ZMYM4: variants seen among roughly 807,000 people sequenced by gnomAD.
ZMYM4 encodes zinc finger MYM-type containing 4, also known as zinc finger MYM-type protein 4.
Under a neutral mutation model 183.2 loss-of-function variants are expected in ZMYM4, and 31 were observed. That is an observed-to-expected ratio of 0.17 (90% CI 0.13 to 0.23). ZMYM4 has a LOEUF of 0.23. Ranked by LOEUF, ZMYM4 falls within the 10% of genes least tolerant of loss-of-function variation. ZMYM4 has a pLI of 1.00. For missense variants in ZMYM4, 1,273 were observed against 1,840.3 expected (o/e 0.69, Z 5.64); for synonymous variants, 592 against 631.2 (o/e 0.94, Z 0.93).
chr1:35,413,412 A>G (rs1387369843), intron 26 of ZMYM4, among the ~76,000 whole-genome samples: 1 of 152,212 alleles, frequency 6.6e-6, no homozygotes, highest in South Asian at 2.1e-4. Context: ...ACATAGTTCA[A>G]TGTCCTATAA....
intron 1 of ZMYM4, chr1:35,296,090 G>A (rs1354863564): frequency 6.6e-6 from 1 of 152,174 alleles, no homozygotes; most frequent in African/African-American, 2.4e-5. Context: ...GCCCATCTCA[G>A]TGTGGCATTT....
intron 28 of ZMYM4, among the ~76,000 whole-genome samples, chr1:35,418,041 T>C (rs1449172413): frequency 6.6e-6 from 1 of 152,138 alleles, no homozygotes; most frequent in Non-Finnish European, 1.5e-5. Context: ...ACTTCTGTCT[T>C]GATCTCTACT....
intron 9 of ZMYM4, among the ~76,000 whole-genome samples, chr1:35,382,781 A>G (rs1343625072): frequency 6.6e-6 from 1 of 152,024 alleles, no homozygotes; most frequent in Non-Finnish European, 1.5e-5. Flanking sequence ...AGTGATTTGT[A>G]TTCTTTAACA....
At chr1:35,303,301 AAAG>A (rs1353883436) in intron 1 of ZMYM4, among the ~76,000 whole-genome samples, 2 of 56,334 alleles carry the variant, frequency 3.6e-5, no homozygotes, top group Non-Finnish European at 1.5e-4. Context: ...AAAAAAAAAA[AAAG>A]AAAAGAAAAA....
chr1:35,407,395 C>T lies in ZMYM4; in HGVS notation c.3797-613C>T, dbSNP rs568998455. Among the ~76,000 whole-genome samples the T allele has an allele frequency of 8.0e-5, 12 of 150,634 alleles. 2 individuals are homozygous for T. Among genetic ancestry groups the T allele is most frequent in the African/African-American group, 2.4e-4 (10 of 41,010 alleles). On this transcript the variant is annotated intron_variant, in intron 25 of 29. Coordinates refer to ENST00000314607, the MANE Select transcript of ZMYM4 (RefSeq NM_005095.3). ...GTGAGCCGAGATTGTGCCATTGCAC[C>T]CCAGCCTGGGCAATAAAAGCGAAAT...
At chr1:35,372,388 G>A (rs1217130261) in intron 7 of ZMYM4, among the ~76,000 whole-genome samples, 1 of 152,164 alleles carries the variant, frequency 6.6e-6, no homozygotes, top group Non-Finnish European at 1.5e-5. Context: ...AGTTGGGAAA[G>A]GTGTCAGGGA....
intron 2 of ZMYM4, among the ~76,000 whole-genome samples, chr1:35,352,400 A>G (rs920470553): frequency 2.0e-5 from 3 of 151,900 alleles, no homozygotes; most frequent in East Asian, 3.9e-4. Flanking sequence ...ACACACACAC[A>G]CACACACACA....
intron 9 of ZMYM4, among the ~76,000 whole-genome samples, chr1:35,383,157 A>G (rs78892577): frequency 0.065 from 9,897 of 152,188 alleles, 934 homozygotes; most frequent in East Asian, 0.44. Context: ...TGTGTATTAG[A>G]TTTGTATTTT....
At chr1:35,392,737 A>G (rs1207398432) in intron 17 of ZMYM4, 53 bp downstream of exon 17, 5 of 1,425,386 alleles carry the variant, frequency 3.5e-6, no homozygotes, top group Non-Finnish European at 4.8e-6. Flanking sequence ...TTTCATTTTC[A>G]TACAGTATAA....
intron 2 of ZMYM4, among the ~76,000 whole-genome samples, chr1:35,326,742 A>G (rs1487048490): frequency 1.3e-5 from 2 of 152,204 alleles, no homozygotes; most frequent in East Asian, 3.9e-4. Context: ...ACGCTAATTA[A>G]CCTAATGTGC....
At chr1:35,386,818 A>T (rs1214778387) in intron 11 of ZMYM4, among the ~76,000 whole-genome samples, 185 bp from the exon 12 acceptor site, 1 of 152,252 alleles carries the variant, frequency 6.6e-6, no homozygotes, top group African/African-American at 2.4e-5. Context: ...TAGTTAAGTT[A>T]TTTTATTTTT....
chr1:35,279,046 T>C (rs1026212137), intron 1 of ZMYM4, among the ~76,000 whole-genome samples: 12 of 152,180 alleles, frequency 7.9e-5, no homozygotes, highest in Admixed American at 6.5e-4. Context: ...AGAATAATCC[T>C]CTGTGGCTTG....
Position 35,414,032 on chromosome 1 carries a change from A to G in ZMYM4, c.4009A>G (p.Ile1337Val). 1 of 1,595,654 alleles carries G rather than the reference A, an allele frequency of 6.3e-7. No homozygotes were observed. Among genetic ancestry groups the G allele is most frequent in the South Asian group, 1.2e-5 (1 of 85,860 alleles). The change falls in exon 27 of 30, where the codon ATT becomes GTT. Residue 1337 changes from isoleucine (I) to valine (V), a missense_variant. Transcript: ENST00000314607. ...TACTGAGCCCTATTCCAGATTTATG[A>G]TTGAACTTACCAAACTCTTGAAAAT... is the stretch of plus-strand genomic sequence containing the variant. Reference protein sequence around the residue: ...IFTEPYSRFMIELTKLLKIWE... With the variant: ...IFTEPYSRFMVELTKLLKIWE...
chr1:35,340,823 C>A (rs1224190852), intron 2 of ZMYM4, among the ~76,000 whole-genome samples: 2 of 152,194 alleles, frequency 1.3e-5, no homozygotes, highest in African/African-American at 2.4e-5. Flanking sequence ...TGGTACTGGT[C>A]TGTGGCCTGG....
At chr1:35,415,822 C>G in intron 28 of ZMYM4, 108 bp downstream of exon 28, 1 of 1,377,482 alleles carries the variant, frequency 7.3e-7, no homozygotes, top group Non-Finnish European at 9.7e-7. Context: ...AAAGAGTGTA[C>G]CTTTAACATT....
intron 5 of ZMYM4, among the ~76,000 whole-genome samples, chr1:35,367,369 C>T (rs918671881): frequency 4.6e-5 from 7 of 151,898 alleles, no homozygotes; most frequent in Admixed American, 2.0e-4. Context: ...GCTGGGATTA[C>T]AGGCGTGCAC....
At chr1:35,274,922 TAGAACTTTTGTTTATCC>T (rs1419491430) in intron 1 of ZMYM4, among the ~76,000 whole-genome samples, 2 of 152,294 alleles carry the variant, frequency 1.3e-5, no homozygotes, top group Non-Finnish European at 2.9e-5. Flanking sequence ...TCATATAGGT[TAGAACTTTTGTTTATCC>T]AGAAATATTA....
Position 35,389,955 on chromosome 1 carries a change from A to G in ZMYM4, c.2444A>G (p.Lys815Arg), listed in dbSNP as rs1013785941. Residue 815 changes from lysine (K) to arginine (R), a missense_variant, in exon 15 of 30, where the codon AAA becomes AGA. By Grantham distance (26) the Lys-to-Arg change is conservative. Transcript: ENST00000314607. This position sits in a 1 kb window ranked among gnomAD's most constrained non-coding sequence, Gnocchi z 4.0. ...KYTVLFYQMA[K>R]CDACKRQGKL... ...CTACCTTCTTCTTTTTAGATGGCCAAATGTGATGCTTGTAAGCGACAGGGT... is the reference window on the plus strand; with the variant it reads ...CTACCTTCTTCTTTTTAGATGGCCAGATGTGATGCTTGTAAGCGACAGGGT... The G allele has an allele frequency of 3.7e-6, 6 of 1,608,386 alleles. No homozygotes were observed. The African/African-American group carries it at 4.0e-5, about 11-fold the overall frequency.
chr1:35,309,623 A>G (rs1257546092), intron 1 of ZMYM4, among the ~76,000 whole-genome samples: 4 of 151,980 alleles, frequency 2.6e-5, no homozygotes, highest in Non-Finnish European at 4.4e-5. Flanking sequence ...ATTTTTAGGG[A>G]TAGGTTGGGG....
Sources: allele counts gnomAD v4.1 joint callset (sites outside exome capture counted in the v4.1 genomes callset), GRCh38; gene constraint gnomAD v4.1.1; non-coding constraint Gnocchi (gnomAD v3.1); transcripts MANE v1.5; gene names NCBI Gene and HGNC (gene_info 2026-07-23, HGNC 2026-07-21).